The following RNF166 variants were observed in gnomAD, a reference collection of about 807,000 sequenced individuals.
The protein encoded by RNF166 is E3 ubiquitin-protein ligase RNF166.
In RNF166, 19 loss-of-function variants were observed where a neutral mutation model predicts 29.4. The ratio of observed to expected loss-of-function variants is 0.65; its 90% CI spans 0.45 to 0.95. The LOEUF is 0.95. RNF166 is among the 40% of genes least tolerant of loss of function. The pLI is 0.00. For synonymous variants in RNF166, 171 were observed against 134.5 expected (o/e 1.27, Z -1.88); for missense variants, 347 against 322.1 (o/e 1.08, Z -0.59).
intron 1 of RNF166, chr16:88,703,708 C>T (rs897919665): frequency 7.1e-6 from 7 of 985,344 alleles, no homozygotes; most frequent in African/African-American, 1.7e-5. Context: ...TGGCTGAGGG[C>T]GATGGGTGTG....
intron 2 of RNF166, chr16:88,699,934 C>T (rs1217012847): frequency 7.4e-5 from 35 of 475,198 alleles, no homozygotes; most frequent in Non-Finnish European, 1.2e-4. Context: ...AAGCAAGTCA[C>T]TGCAGGACAA....
At chr16:88,705,305 C>G (rs894066793) in intron 1 of RNF166, among the ~76,000 whole-genome samples, 2 of 152,226 alleles carry the variant, frequency 1.3e-5, no homozygotes, top group African/African-American at 4.8e-5. Context: ...GGTGCACCCC[C>G]CTCCACTCCA....
rs879805985 is a variant in RNF166 at position 88,699,476 on chromosome 16, G to A, written c.425+144C>T. ...GGGCAGCACAGGAGCCTTCCTGCAG[G>A]GTGGCAAGGAAGGTCCACTTCCCCA... is the stretch of plus-strand genomic sequence containing the variant. On this transcript the variant is annotated intron_variant, in intron 3 of 5. Transcript: ENST00000312838. The A allele has an allele frequency of 2.3e-5, 15 of 643,188 alleles. No individual in the cohort carries two copies. In the African/African-American group the frequency reaches 2.4e-4, roughly 10 times the overall value. 39.8% of individuals were successfully genotyped at this position (643,188 alleles called of 1,614,324 possible).
Position 88,697,453 on chromosome 16 carries a change from C to A in RNF166, c.*115G>T. 1.3e-6 allele frequency: 1 copy of A among 747,422 alleles called. No homozygotes were observed. Among genetic ancestry groups the A allele is most frequent in the Non-Finnish European group, 2.2e-6 (1 of 452,820 alleles). The allele number at this position is 747,422 out of a possible 1,614,324, so 46.3% of individuals were successfully genotyped here. A position where few individuals can be genotyped will look rare whatever the true frequency, so the allele number is the denominator to read the frequency against. On this transcript the variant is annotated 3_prime_UTR_variant, in exon 6 of 6. Transcript: ENST00000312838. ...CCCCGGCTCCCCTTCTGCGCGGGTG[C>A]AGGCTCCTCCTGTGAGCTCAGTCCG...
intron 1 of RNF166, chr16:88,702,938 G>T: frequency 1.0e-6 from 1 of 985,496 alleles, no homozygotes; most frequent in Non-Finnish European, 1.2e-6. Context: ...CCATACTCAG[G>T]CACTCATGGC....
chr16:88,700,989 C>G, intron 2 of RNF166: 1 of 1,340,338 alleles, frequency 7.5e-7, no homozygotes, highest in Non-Finnish European at 9.6e-7. Flanking sequence ...ACCCTGGCCA[C>G]AACCCACGTG....
rs963192957 is a variant in RNF166 at position 88,698,877 on chromosome 16, C to G, written c.540+94G>C. 29 of 1,022,966 alleles carry G rather than the reference C, an allele frequency of 2.8e-5. No individual in the cohort carries two copies. In the African/African-American group the frequency reaches 4.6e-4, roughly 16 times the overall value. 63.4% of individuals were successfully genotyped at this position (1,022,966 alleles called of 1,614,324 possible). On this transcript the variant is annotated intron_variant, in intron 4 of 5. Transcript: ENST00000312838. ...CCAGGAGGCCTTTGTGGCCTGGGCA[C>G]CCCCGGACTCGCCGCGAGCAGGCTC...
chr16:88,706,366 GC>G lies in RNF166; in HGVS notation c.-42del. The G allele has an allele frequency of 2.5e-6, 3 of 1,215,514 alleles. No individual in the cohort carries two copies. The allele number at this position is 1,215,514 out of a possible 1,614,324, so 75.3% of individuals were successfully genotyped here. ...GCGCCGCCCGCCGCCCGCTGTCCTG[GC>G]CCGGGCCGGCCCGCTAGTCACAGCC... On this transcript the variant is annotated 5_prime_UTR_variant, in exon 1 of 6. Transcript: ENST00000312838.
intron 1 of RNF166, chr16:88,703,561 T>C (rs1910482850): frequency 1.0e-6 from 1 of 985,228 alleles, no homozygotes; most frequent in Admixed American, 6.1e-5. Context: ...GGGTGCTCTA[T>C]CGGCCTAGTT....
rs1302473307 is a variant in RNF166 at position 88,696,912 on chromosome 16, C to T, written c.*656G>A. 8.7e-6 allele frequency: 2 copies of T among 228,574 alleles called. No individual in the cohort carries two copies. The highest frequency in any genetic ancestry group is 1.8e-5 in the Non-Finnish European group (2 of 112,982). 14.2% of individuals were successfully genotyped at this position (228,574 alleles called of 1,614,324 possible). ...AGCTCTGGCAGCTGCCCCACTGCTC[C>T]TTCCATCCTTGCCCCAATCCCCCAA... On this transcript the variant is annotated 3_prime_UTR_variant, in exon 6 of 6. Transcript: ENST00000312838.
At chr16:88,698,880 C>A (rs1408133446) in intron 4 of RNF166, 91 bp downstream of exon 4, 11 of 1,064,256 alleles carry the variant, frequency 1.0e-5, no homozygotes, top group Middle Eastern at 5.8e-4. Context: ...CTGGGCACCC[C>A]CGGACTCGCC....
Position 88,706,223 on chromosome 16 carries a change from TG to T in RNF166, c.102del (p.Ile35SerfsTer71). Reference protein sequence around the residue: ...DSGLEAQYTCPICLEVYHRPV... With the variant: ...DSGLEAQYTCXICLEVYHRPV... ...GGCCGGTGATAGACCTCCAGGCAGATGGGGCAGGTGTACTGCGCCTCCAGGC... is the reference window on the plus strand; with the variant it reads ...GGCCGGTGATAGACCTCCAGGCAGATGGGCAGGTGTACTGCGCCTCCAGGC... On this transcript the variant is annotated frameshift_variant, in exon 1 of 6. Coordinates refer to ENST00000312838, the MANE Select transcript of RNF166 (RefSeq NM_178841.4). LOFTEE classifies it high-confidence loss of function. The T allele has an allele frequency of 7.6e-7, 1 of 1,321,090 alleles. No individual in the cohort carries two copies. The highest frequency in any genetic ancestry group is 9.7e-7 in the Non-Finnish European group (1 of 1,031,178). 81.8% of individuals were successfully genotyped at this position (1,321,090 alleles called of 1,614,324 possible).
chr16:88,704,295 A>G (rs1257516198), intron 1 of RNF166: 3 of 985,372 alleles, frequency 3.0e-6, no homozygotes, highest in Non-Finnish European at 3.6e-6. Context: ...AGAAAACAAA[A>G]GCCAGCAGGA....
intron 5 of RNF166, 107 bp downstream of exon 5, chr16:88,698,395 T>A: frequency 1.1e-6 from 1 of 892,400 alleles, no homozygotes; most frequent in South Asian, 1.4e-5. Flanking sequence ...GGCTTCTGTT[T>A]CTGGCTTCCT....
intron 2 of RNF166, 74 bp downstream of exon 2, chr16:88,701,188 C>A (rs1910187124): frequency 6.4e-7 from 1 of 1,572,844 alleles, no homozygotes; most frequent in Admixed American, 1.7e-5. Flanking sequence ...CGGCCCCCAC[C>A]CTCTGCAGAA....
intron 2 of RNF166, chr16:88,700,651 A>G (rs1332301916): frequency 5.1e-6 from 5 of 986,632 alleles, no homozygotes; most frequent in Admixed American, 6.1e-5. Context: ...AGCCACTGAA[A>G]GAACGGGGCG....
Position 88,699,679 on chromosome 16 carries a change from C to T in RNF166, c.366G>A (p.Glu122=), listed in dbSNP as rs1453919444. The T allele has an allele frequency of 2.5e-6, 4 of 1,613,540 alleles. No homozygotes were observed. Among genetic ancestry groups the T allele is most frequent in the Non-Finnish European group, 3.4e-6 (4 of 1,179,912 alleles). Residue 122 remains glutamate, a synonymous_variant, in exon 3 of 6, where the codon GAG becomes GAA. Coordinates refer to ENST00000312838, the MANE Select transcript of RNF166 (RefSeq NM_178841.4). The part of the protein sequence containing the change: ...VHISSCLKVQ[E]QMANCPKFVP... ...CGAACTTGGGGCAGTTGGCCATCTG[C>T]TCCTGGACCTTCAGGCAGGACGAAA...
Position 88,706,235 on chromosome 16 carries a change from A to ACTG in RNF166, c.88_90dup (p.Gln30dup). ...ACCTCCAGGCAGATGGGGCAGGTGT[A>ACTG]CTGCGCCTCCAGGCCGCTGTCGCCG... On this transcript the variant is annotated inframe_insertion, in exon 1 of 6. Transcript: ENST00000312838. 7.6e-7 allele frequency: 1 copy of ACTG among 1,317,952 alleles called. No homozygotes were observed. Among genetic ancestry groups the ACTG allele is most frequent in the South Asian group, 1.8e-5 (1 of 56,172 alleles). The allele number at this position is 1,317,952 out of a possible 1,614,324, so 81.6% of individuals were successfully genotyped here. A position where few individuals can be genotyped will look rare whatever the true frequency, so the allele number is the denominator to read the frequency against.
intron 1 of RNF166, among the ~76,000 whole-genome samples, chr16:88,705,356 C>T (rs1158974567): frequency 6.6e-6 from 1 of 152,136 alleles, no homozygotes; most frequent in Non-Finnish European, 1.5e-5. Context: ...AGCCCTCCTG[C>T]TCTCTCTCTC....
Sources: gnomAD v4.1 joint callset for allele counts (sites outside exome capture counted in the v4.1 genomes callset) on GRCh38, gnomAD v4.1.1 for gene constraint, MANE v1.5 for transcripts, NCBI Gene and HGNC (gene_info 2026-07-23, HGNC 2026-07-21) for gene names.